The following ACSS2 variants were observed in gnomAD, a reference collection of about 807,000 sequenced individuals.
The protein encoded by ACSS2 is acyl-CoA synthetase short chain family member 2.
In ACSS2, 58 loss-of-function variants were observed where a neutral mutation model predicts 90.6. The observed-to-expected ratio is 0.64, with a 90% CI of 0.52 to 0.80. The LOEUF (loss-of-function observed/expected upper bound fraction) is 0.80. Among genes scored for constraint, ACSS2 ranks in the 30% least tolerant of loss-of-function variants. ACSS2 has a pLI of 0.00. For synonymous variants in ACSS2, 300 were observed against 330.9 expected, an observed-to-expected ratio of 0.91 and a Z score of 1.01; for missense variants, 759 against 912.0, an observed-to-expected ratio of 0.83 and a Z score of 2.16.
chr20:34,891,411 ACT>A (rs1048418358), intron 2 of ACSS2, among the ~76,000 whole-genome samples: 1 of 152,016 alleles, frequency 6.6e-6, no homozygotes, highest in Non-Finnish European at 1.5e-5. Context: ...ACCTGTAGTG[ACT>A]CTGTGGTGAC....
chr20:34,880,573 A>G (rs1246966118), intron 1 of ACSS2, among the ~76,000 whole-genome samples: 2 of 152,074 alleles, frequency 1.3e-5, no homozygotes. Flanking sequence ...AGAAATTAAA[A>G]AAAAAAAGTT....
In ACSS2 at chr20:34,923,479, C is replaced by G. The variant is rs1239069080; in HGVS notation, c.1657+48C>G. On this transcript the variant is annotated intron_variant, in intron 14 of 17. Coordinates refer to ENST00000360596, the MANE Select transcript of ACSS2 (RefSeq NM_018677.4). Reference sequence around the variant, plus strand: ...TTGCACCTCCCACTAAGACATGTACCTTCCACTTCCATTTTCAGGAAGAGT... The same window carrying G: ...TTGCACCTCCCACTAAGACATGTACGTTCCACTTCCATTTTCAGGAAGAGT... 2.3e-6 allele frequency: 3 copies of G among 1,310,194 alleles called. No homozygotes were observed. The East Asian group carries it at 6.9e-5, about 30-fold the overall frequency. The allele number at this position is 1,310,194 out of a possible 1,614,324, so 81.2% of individuals were successfully genotyped here. A position where few individuals can be genotyped will look rare whatever the true frequency, so the allele number is the denominator to read the frequency against.
upstream of ACSS2, chr20:34,876,341 C>A: frequency 3.7e-6 from 1 of 272,586 alleles, no homozygotes; most frequent in Non-Finnish European, 6.8e-6. Context: ...TCCACCCTCT[C>A]CCTTGTCACA....
Position 34,923,322 on chromosome 20 carries a change from G to C in ACSS2, c.1549-1G>C, listed in dbSNP as rs373104469. The C allele has an allele frequency of 2.5e-6, 4 of 1,611,756 alleles. No individual in the cohort carries two copies. The African/African-American group carries it at 4.0e-5, about 16-fold the overall frequency. On this transcript the variant is annotated splice_acceptor_variant, in intron 13 of 17. Coordinates refer to ENST00000360596, the MANE Select transcript of ACSS2 (RefSeq NM_018677.4). LOFTEE classifies it high-confidence loss of function. ...ATCACTGTCCCTTCCTCACTCCCCAGGTGTTCAAGCAGCCCTGGCCAGGGA... is the reference window on the plus strand; with the variant it reads ...ATCACTGTCCCTTCCTCACTCCCCACGTGTTCAAGCAGCCCTGGCCAGGGA...
intron 7 of ACSS2, chr20:34,915,073 G>A: frequency 3.7e-6 from 3 of 818,578 alleles, no homozygotes; most frequent in Non-Finnish European, 6.2e-6. Context: ...TACATATATA[G>A]GGGCTGGAAT....
chr20:34,890,039 A>C (rs2146991355), intron 2 of ACSS2, among the ~76,000 whole-genome samples: 1 of 152,318 alleles, frequency 6.6e-6, no homozygotes, highest in African/African-American at 2.4e-5. Flanking sequence ...AATGGAATGG[A>C]ACAATGACAT....
chr20:34,879,287 C>T (rs1195185530), intron 1 of ACSS2, among the ~76,000 whole-genome samples: 1 of 152,076 alleles, frequency 6.6e-6, no homozygotes, highest in Admixed American at 6.6e-5. Flanking sequence ...TACCACTCCC[C>T]TCATTCTAGA....
chr20:34,906,648 C>T (rs2080813738), intron 2 of ACSS2, among the ~76,000 whole-genome samples: 1 of 152,114 alleles, frequency 6.6e-6, no homozygotes. Flanking sequence ...CTAGGCTGTA[C>T]TTGAGGTGCT....
At chr20:34,879,602 G>T (rs191152976) in intron 1 of ACSS2, among the ~76,000 whole-genome samples, 1 of 151,636 alleles carries the variant, frequency 6.6e-6, no homozygotes, top group Admixed American at 6.6e-5. Flanking sequence ...ACATGGTGAC[G>T]CACGTCTGTA....
intron 2 of ACSS2, 130 bp from the exon 3 acceptor site, chr20:34,912,966 G>C (rs960535556): frequency 1.3e-6 from 1 of 748,100 alleles, no homozygotes; most frequent in Non-Finnish European, 2.4e-6. Flanking sequence ...ATTGATGGTG[G>C]GCAGATAGCT....
intron 2 of ACSS2, among the ~76,000 whole-genome samples, chr20:34,901,521 C>T (rs1227919078): frequency 6.6e-6 from 1 of 152,198 alleles, no homozygotes; most frequent in African/African-American, 2.4e-5. Context: ...CATTAGGCTG[C>T]TAATTAGTCA....
rs943118917 is a variant in ACSS2, at chr20:34,879,740, A to G, written c.178+2917A>G. On this transcript the variant is annotated intron_variant, in intron 1 of 17. Transcript: ENST00000360596. ...CAGCGATACCCTGTCTCAAAACAAA[A>G]ACAAAAACACCTCAGCTTTCTTCAT... 1.1e-4 allele frequency among the ~76,000 whole-genome samples: 16 copies of G among 152,326 alleles called. No homozygotes were observed. In the East Asian group the frequency reaches 2.7e-3, roughly 26 times the overall value.
At chr20:34,884,641 A>G (rs2080146127) in intron 2 of ACSS2, among the ~76,000 whole-genome samples, 1 of 152,202 alleles carries the variant, frequency 6.6e-6, no homozygotes, top group Non-Finnish European at 1.5e-5. Context: ...TTGTCACTGA[A>G]ATTCACTGTC....
At chr20:34,913,627 T>C in intron 4 of ACSS2, 126 bp from the exon 5 acceptor site, 1 of 1,249,848 alleles carries the variant, frequency 8.0e-7, no homozygotes, top group Non-Finnish European at 1.2e-6. Context: ...TAGGTCCATA[T>C]TAGTTATTCA....
At chr20:34,881,017 A>ATTT (rs71761863) in intron 1 of ACSS2, among the ~76,000 whole-genome samples, 13 of 75,568 alleles carry the variant, frequency 1.7e-4, no homozygotes, top group African/African-American at 2.8e-4. Flanking sequence ...TTTCCTCCAA[A>ATTT]TTTTTTTTTT....
chr20:34,885,073 G>A (rs906963487), intron 2 of ACSS2, among the ~76,000 whole-genome samples: 1 of 152,026 alleles, frequency 6.6e-6, no homozygotes, highest in African/African-American at 2.4e-5. Flanking sequence ...GGTGGTGCAC[G>A]CCTGTAGTCC....
In ACSS2 at chr20:34,927,198, G is replaced by C. The variant is rs762136124; in HGVS notation, c.2090G>C (p.Cys697Ser). Residue 697 changes from cysteine (C) to serine (S), a missense_variant, in exon 18 of 18, where the codon TGC becomes TCC. Physicochemically the swap from Cys to Ser is moderately radical, Grantham distance 112. Coordinates refer to ENST00000360596, the MANE Select transcript of ACSS2 (RefSeq NM_018677.4). This position sits in a 1 kb window ranked among gnomAD's most constrained non-coding sequence, Gnocchi z 4.2. ...ATCAGTCACCTCTTCAGCCACCGCTGCCTGACCATCCAGTGAACATGATCC... is the reference window on the plus strand; with the variant it reads ...ATCAGTCACCTCTTCAGCCACCGCTCCCTGACCATCCAGTGAACATGATCC... ...SVISHLFSHR[C>S]LTIQ The C allele has an allele frequency of 2.6e-5, 42 of 1,613,780 alleles. 1 individual carries two copies. Among genetic ancestry groups the C allele is most frequent in the Non-Finnish European group, 3.5e-5 (41 of 1,180,040 alleles).
intron 7 of ACSS2, among the ~76,000 whole-genome samples, chr20:34,914,861 C>T (rs1317219644): frequency 5.3e-5 from 8 of 152,274 alleles, no homozygotes; most frequent in South Asian, 2.1e-4. Context: ...ACAATATGGC[C>T]TTTGTTAGCT....
In ACSS2 at chr20:34,877,688, G is replaced by A. The variant is rs998702264; in HGVS notation, c.178+865G>A. On this transcript the variant is annotated intron_variant, in intron 1 of 17. Transcript: ENST00000360596. ...ACAAAAATTAGCCGGGTGTGGTGGC[G>A]GGCACCTGTAATCCCAGCTACTCGA... 6.6e-5 allele frequency among the ~76,000 whole-genome samples: 10 copies of A among 151,778 alleles called. No individual in the cohort carries two copies. The East Asian group carries it at 7.8e-4, about 12-fold the overall frequency.
Sources: allele counts gnomAD v4.1 joint callset (sites outside exome capture counted in the v4.1 genomes callset), GRCh38; gene constraint gnomAD v4.1.1; non-coding constraint Gnocchi (gnomAD v3.1); transcripts MANE v1.5; gene names NCBI Gene and HGNC (gene_info 2026-07-23, HGNC 2026-07-21).